Variants in PLCH1 observed in about 807,000 individuals in gnomAD.
PLCH1 encodes phospholipase C eta 1, also known as 1-phosphatidylinositol 4,5-bisphosphate phosphodiesterase eta-1.
Under a neutral mutation model 126.7 loss-of-function variants are expected in PLCH1, and 60 were observed. The observed-to-expected ratio is 0.47, with a 90% CI of 0.38 to 0.59. PLCH1 has a LOEUF of 0.59. Among genes scored for constraint, PLCH1 ranks in the 20% least tolerant of loss-of-function variants. PLCH1 has a pLI of 0.00. For missense variants in PLCH1, 1,723 were observed against 2,040.0 expected (o/e 0.84, Z 2.99); for synonymous variants, 719 against 734.9 (o/e 0.98, Z 0.35).
intron 2 of PLCH1, among the ~76,000 whole-genome samples, chr3:155,628,112 T>G (rs551754532): frequency 1.8e-4 from 27 of 152,170 alleles, no homozygotes; most frequent in Non-Finnish European, 3.2e-4. Context: ...AAACTACAGA[T>G]AGAACATGAT....
rs1246390296 is a variant in PLCH1 at position 155,554,194 on chromosome 3, C to T, written c.1072G>A (p.Asp358Asn). The change falls in exon 9 of 23, where the codon GAC becomes AAC. Residue 358 changes from aspartate to asparagine, a missense_variant and splice_region_variant. Asp to Asn is a conservative substitution (Grantham distance 23, BLOSUM62 1). Around this residue, in one of 2 missense-constraint regions of PLCH1, gnomAD observed 776 missense variants for 1,062.9 expected, o/e 0.73. Coordinates refer to ENST00000460012, the MANE Select transcript of PLCH1 (RefSeq NM_014996.4). The part of the protein sequence containing the change: ...LQEGCRCVEV[D>N]CWDGPDGEPV... ...TCTCCATCTGGGCCATCCCAACAGT[C>T]AACTGCCAAAAACAGAACTTTATAT... The T allele has an allele frequency of 6.2e-7, 1 of 1,611,270 alleles. No individual in the cohort carries two copies. Among genetic ancestry groups the T allele is most frequent in the Non-Finnish European group, 8.5e-7 (1 of 1,179,090 alleles).
chr3:155,615,079 A>G (rs1454556808), intron 2 of PLCH1, among the ~76,000 whole-genome samples: 1 of 152,160 alleles, frequency 6.6e-6, no homozygotes, highest in Admixed American at 6.5e-5. Context: ...AATTCAAACA[A>G]ATCAGCAAGA....
At chr3:155,519,781 TAA>T (rs66772251) in intron 11 of PLCH1, among the ~76,000 whole-genome samples, 11,972 of 124,464 alleles carry the variant, frequency 0.096, 575 homozygotes, top group African/African-American at 0.12. Flanking sequence ...ACCTTTGCTT[TAA>T]AAAAAAAAAA....
intron 2 of PLCH1, among the ~76,000 whole-genome samples, chr3:155,660,481 G>T (rs1011020926): frequency 6.6e-6 from 1 of 152,180 alleles, no homozygotes; most frequent in African/African-American, 2.4e-5. Flanking sequence ...GAAACTTGCT[G>T]TGTGCACAGT....
At chr3:155,744,007 GT>G (rs370626394) in intron 1 of PLCH1, among the ~76,000 whole-genome samples, 62 of 147,880 alleles carry the variant, frequency 4.2e-4, no homozygotes, top group South Asian at 2.1e-3. Flanking sequence ...GAAAAGTTGG[GT>G]TTTTTTTTTT....
At chr3:155,582,026 G>C (rs1438794265) in intron 6 of PLCH1, among the ~76,000 whole-genome samples, 1 of 148,520 alleles carries the variant, frequency 6.7e-6, no homozygotes, top group Non-Finnish European at 1.5e-5. Flanking sequence ...GGGATTACAG[G>C]TGTAAGCCAC....
At position 155,480,273 on chromosome 3, in the gene PLCH1, C is replaced by T. The variant is rs995515837; in HGVS notation, c.*695G>A. The T allele has an allele frequency of 6.6e-6, 1 of 152,560 alleles. No individual in the cohort carries two copies. The highest frequency in any genetic ancestry group is 2.4e-5 in the African/African-American group (1 of 41,420). The allele number at this position is 152,560 out of a possible 1,614,324, so 9.5% of individuals were successfully genotyped here. On this transcript the variant is annotated 3_prime_UTR_variant, in exon 23 of 23. Transcript: ENST00000460012. ...ACTCGCTTCTTGTTACATACAAAGCCATTAGCAAAAATATGTAACAAAATT... is the reference window on the plus strand; with the variant it reads ...ACTCGCTTCTTGTTACATACAAAGCTATTAGCAAAAATATGTAACAAAATT...
At chr3:155,625,191 A>T (rs7620748) in intron 2 of PLCH1, among the ~76,000 whole-genome samples, 90,195 of 152,052 alleles carry the variant, frequency 0.59, 29,816 homozygotes, top group African/African-American at 0.89. Flanking sequence ...GCTAGCCATA[A>T]GCAGAATGCT....
chr3:155,493,041 A>G (rs1018266042), intron 17 of PLCH1, among the ~76,000 whole-genome samples, 188 bp from the exon 18 acceptor site: 1 of 152,256 alleles, frequency 6.6e-6, no homozygotes, highest in Admixed American at 6.5e-5. Context: ...GAGTGGGCCA[A>G]CTTAAAGCAA....
chr3:155,621,666 T>C (rs533556294), intron 2 of PLCH1, among the ~76,000 whole-genome samples: 1 of 152,050 alleles, frequency 6.6e-6, no homozygotes, highest in African/African-American at 2.4e-5. Flanking sequence ...ATATCAGAGA[T>C]TGAAGATCAA....
At chr3:155,530,736 G>A (rs1722563262) in intron 10 of PLCH1, among the ~76,000 whole-genome samples, 1 of 152,126 alleles carries the variant, frequency 6.6e-6, no homozygotes, top group Non-Finnish European at 1.5e-5. Context: ...AATCGCAAAT[G>A]TTCTTAATGG....
intron 15 of PLCH1, among the ~76,000 whole-genome samples, chr3:155,495,986 A>G (rs1716973727): frequency 1.3e-5 from 2 of 152,350 alleles, no homozygotes; most frequent in South Asian, 4.1e-4. Context: ...TTCAGATAGA[A>G]TAGGACTATA....
chr3:155,494,487 T>A lies in PLCH1; in HGVS notation c.1925A>T (p.Glu642Val). The A allele has an allele frequency of 1.9e-6, 3 of 1,613,936 alleles. No individual in the cohort carries two copies. Among genetic ancestry groups the A allele is most frequent in the Non-Finnish European group, 2.5e-6 (3 of 1,179,924 alleles). Reference sequence around the variant, plus strand: ...CTGAACAACCTGATGTGCTCTTGTTTCACTGAATGATAACACATTTCCTGT... The same window carrying A: ...CTGAACAACCTGATGTGCTCTTGTTACACTGAATGATAACACATTTCCTGT... ...GTTGNVLSFS[E>V]TRAHQVVQQK... Residue 642 changes from glutamate (E) to valine (V), a missense_variant, in exon 16 of 23, where the codon GAA becomes GTA. By Grantham distance (121) the Glu-to-Val change is moderately radical. This residue lies in a region of PLCH1 where 776 missense variants were observed against 1,062.9 expected (regional missense o/e 0.73). Transcript: ENST00000460012.
At chr3:155,548,726 G>C (rs368082052) in intron 10 of PLCH1, among the ~76,000 whole-genome samples, 1 of 152,302 alleles carries the variant, frequency 6.6e-6, no homozygotes, top group Non-Finnish European at 1.5e-5. Flanking sequence ...TGGCCTTCAT[G>C]TTATCTCTTG....
At chr3:155,578,747 T>C (rs1012230380) in intron 6 of PLCH1, among the ~76,000 whole-genome samples, 2 of 152,164 alleles carry the variant, frequency 1.3e-5, no homozygotes, top group Non-Finnish European at 1.5e-5. Context: ...TTTGATGCAG[T>C]TTAGTACACG....
intron 8 of PLCH1, among the ~76,000 whole-genome samples, chr3:155,562,525 C>T (rs1218374314): frequency 2.0e-5 from 3 of 152,086 alleles, no homozygotes; most frequent in Non-Finnish European, 4.4e-5. Context: ...CATAATCTGT[C>T]TTCACTACTT....
chr3:155,530,925 A>G (rs188627146), intron 10 of PLCH1, among the ~76,000 whole-genome samples: 9 of 152,376 alleles, frequency 5.9e-5, no homozygotes, highest in Admixed American at 1.3e-4. Flanking sequence ...TGTAGCAGGC[A>G]TGAAAACAAC....
At chr3:155,610,364 G>GAAAAAAAAAAAAA (rs569174791) in intron 2 of PLCH1, among the ~76,000 whole-genome samples, 1 of 39,456 alleles carries the variant, frequency 2.5e-5, no homozygotes, top group Non-Finnish European at 4.4e-5. Context: ...TGCGTCTGGA[G>GAAAAAAAAAAAAA]AAAAAAAAAA....
At chr3:155,548,625 C>T (rs1725701536) in intron 10 of PLCH1, among the ~76,000 whole-genome samples, 1 of 152,178 alleles carries the variant, frequency 6.6e-6, no homozygotes, top group South Asian at 2.1e-4. Context: ...GAAGTAGAAA[C>T]ATTTACAAGG....
Sources: allele counts gnomAD v4.1 joint callset (sites outside exome capture counted in the v4.1 genomes callset), GRCh38; gene constraint gnomAD v4.1.1; regional missense constraint gnomAD v4.1.1; transcripts MANE v1.5; gene names NCBI Gene and HGNC (gene_info 2026-07-23, HGNC 2026-07-21).